IDO2: variants seen among roughly 807,000 people sequenced by gnomAD.
IDO2 encodes indoleamine 2,3-dioxygenase-like 1 protein.
In IDO2, 46 loss-of-function variants were observed where a neutral mutation model predicts 45.1. The observed-to-expected ratio is 1.02, with a 90% CI of 0.80 to 1.30. IDO2 has a LOEUF of 1.30. Among genes scored for constraint, IDO2 ranks in the 50% most tolerant of loss-of-function variants. The pLI is 0.00. For missense variants in IDO2, 544 were observed against 491.8 expected, an observed-to-expected ratio of 1.11 and a Z score of -1.00; for synonymous variants, 218 against 184.9, an observed-to-expected ratio of 1.18 and a Z score of -1.45.
chr8:40,010,048 A>G (rs1802288710), intron 9 of IDO2, among the ~76,000 whole-genome samples: 1 of 13,748 alleles, frequency 7.3e-5, no homozygotes, highest in African/African-American at 4.2e-4. Context: ...GGGTGGGGGG[A>G]TGGACAATTA....
At chr8:39,953,137 C>T (rs955763910) in intron 2 of IDO2, among the ~76,000 whole-genome samples, 3 of 151,558 alleles carry the variant, frequency 2.0e-5, no homozygotes, top group Non-Finnish European at 2.9e-5. Context: ...CTCCTGACCT[C>T]GTGATCTGCC....
chr8:39,953,334 G>T (rs916712843), intron 2 of IDO2, among the ~76,000 whole-genome samples: 1 of 152,160 alleles, frequency 6.6e-6, no homozygotes, highest in African/African-American at 2.4e-5. Flanking sequence ...TACTTGGGGA[G>T]TTTTAAAAAA....
At chr8:40,015,290 T>C (rs370047903) in exon 11 of IDO2, 17 of 1,613,446 alleles carry the variant, frequency 1.1e-5, no homozygotes, top group South Asian at 7.7e-5. Flanking sequence ...CTCCTTCCCA[T>C]AAGGCCTTCA....
At chr8:39,975,333 A>G (rs1211181353) in intron 3 of IDO2, among the ~76,000 whole-genome samples, 1 of 152,046 alleles carries the variant, frequency 6.6e-6, no homozygotes, top group Non-Finnish European at 1.5e-5. Flanking sequence ...CTGTTCATCA[A>G]AACAGGCCAA....
chr8:39,984,864 A>T, intron 5 of IDO2: 4 of 420,784 alleles, frequency 9.5e-6, no homozygotes, highest in Non-Finnish European at 1.9e-5. Flanking sequence ...GTAGGAATCA[A>T]CTAGCTAGAA....
At chr8:40,003,016 G>A (rs550562786) in intron 8 of IDO2, among the ~76,000 whole-genome samples, 1 of 152,094 alleles carries the variant, frequency 6.6e-6, no homozygotes, top group South Asian at 2.1e-4. Flanking sequence ...TTTGTGACAT[G>A]GCCTGAAATA....
Position 39,938,993 on chromosome 8 carries a change from C to A in IDO2, c.-18+3775C>A, listed in dbSNP as rs531963713. Among the ~76,000 whole-genome samples, 3 of 152,302 alleles carry A rather than the reference C, an allele frequency of 2.0e-5. No individual in the cohort carries two copies. In the South Asian group the frequency reaches 6.2e-4, roughly 32 times the overall value. The stretch of plus-strand genomic sequence containing the variant: ...CTCATGCCGGGCACAGTGGCTCATG[C>A]CTGTAATCCCAGCACTTTGGGAGGC... On this transcript the variant is annotated intron_variant, in intron 1 of 10. Transcript: ENST00000502986.
intron 3 of IDO2, among the ~76,000 whole-genome samples, chr8:39,978,406 G>T (rs1808293727): frequency 6.6e-6 from 1 of 152,236 alleles, no homozygotes; most frequent in African/African-American, 2.4e-5. Context: ...CTGCTGTCAG[G>T]CAGGGCAGCC....
chr8:39,944,628 C>T (rs1807704543), intron 1 of IDO2, among the ~76,000 whole-genome samples: 1 of 152,148 alleles, frequency 6.6e-6, no homozygotes, highest in Non-Finnish European at 1.5e-5. Flanking sequence ...TTGATAACGC[C>T]CAAAGCCCCG....
intron 2 of IDO2, among the ~76,000 whole-genome samples, chr8:39,957,558 G>A (rs1287358828): frequency 1.3e-5 from 2 of 152,190 alleles, no homozygotes; most frequent in African/African-American, 4.8e-5. Context: ...GCTGCAATAA[G>A]CTATATTTGT....
At chr8:40,015,331 G>A (rs1802371339) in exon 11 of IDO2, 1 of 1,613,874 alleles carries the variant, frequency 6.2e-7, no homozygotes. Flanking sequence ...CCTTCCCTGA[G>A]GGACTACATC....
chr8:39,970,996 C>A (rs957149503), intron 3 of IDO2, among the ~76,000 whole-genome samples: 1 of 151,478 alleles, frequency 6.6e-6, no homozygotes, highest in South Asian at 2.1e-4. Context: ...CTATCTCTGA[C>A]CTCGTGATCC....
At chr8:39,982,659 C>T (rs753836622) in exon 5 of IDO2, 3 of 1,604,306 alleles carry the variant, frequency 1.9e-6, no homozygotes, top group Non-Finnish European at 2.6e-6. Context: ...AAGGTCCTGC[C>T]AAGGAATCTT....
At chr8:39,975,593 A>C (rs1808247314) in intron 3 of IDO2, among the ~76,000 whole-genome samples, 1 of 152,218 alleles carries the variant, frequency 6.6e-6, no homozygotes, top group Non-Finnish European at 1.5e-5. Flanking sequence ...GCATTTTATA[A>C]CCATACAACT....
chr8:39,947,171 CAAAAAAAAAA>C (rs55785952), intron 1 of IDO2, among the ~76,000 whole-genome samples: 2 of 80,038 alleles, frequency 2.5e-5, no homozygotes, highest in East Asian at 4.2e-4. Flanking sequence ...GCTAAGGTAT[CAAAAAAAAAA>C]AAAAAAAAAA....
At chr8:39,996,603 T>C (rs1056526830) in intron 8 of IDO2, among the ~76,000 whole-genome samples, 1 of 152,090 alleles carries the variant, frequency 6.6e-6, no homozygotes, top group African/African-American at 2.4e-5. Context: ...CTTTGTCTTG[T>C]GTCTTTATTT....
chr8:39,993,955 C>T (rs1464404717), intron 8 of IDO2, among the ~76,000 whole-genome samples: 1 of 152,010 alleles, frequency 6.6e-6, no homozygotes, highest in African/African-American at 2.4e-5. Context: ...TGCAGTGAGC[C>T]TAGATCCTGC....
At chr8:39,954,205 G>C (rs1003653982) in intron 2 of IDO2, among the ~76,000 whole-genome samples, 10 of 152,240 alleles carry the variant, frequency 6.6e-5, no homozygotes, top group African/African-American at 2.4e-4. Flanking sequence ...CTCATCTCCT[G>C]TCATTTAAGT....
intron 2 of IDO2, among the ~76,000 whole-genome samples, chr8:39,959,482 ATG>A (rs959951494): frequency 1.3e-4 from 8 of 62,444 alleles, no homozygotes; most frequent in African/African-American, 3.1e-4. Flanking sequence ...ATAACTCATT[ATG>A]TGTCTAACCT....
Sources: allele counts gnomAD v4.1 joint callset (sites outside exome capture counted in the v4.1 genomes callset), GRCh38; gene constraint gnomAD v4.1.1; transcripts MANE v1.5; gene names NCBI Gene and HGNC (gene_info 2026-07-23, HGNC 2026-07-21).